The following CTNND2 variants were observed in gnomAD, a reference collection of about 807,000 sequenced individuals.
CTNND2 encodes catenin delta-2.
CTNND2 carries 22 observed loss-of-function variants against 144.4 expected under a neutral mutation model. The observed-to-expected ratio is 0.15, with a 90% CI of 0.11 to 0.22. The LOEUF (loss-of-function observed/expected upper bound fraction) is 0.22, where lower values mean the gene tolerates loss of function less well. Among genes scored for constraint, CTNND2 ranks in the 10% least tolerant of loss-of-function variants. The pLI is 1.00. For missense variants in CTNND2, 1,353 were observed against 1,618.8 expected, an observed-to-expected ratio of 0.84 and a Z score of 2.82; for synonymous variants, 751 against 695.6, an observed-to-expected ratio of 1.08 and a Z score of -1.25.
intron 10 of CTNND2, among the ~76,000 whole-genome samples, chr5:11,199,958 A>G (rs920896398): frequency 6.6e-6 from 1 of 152,250 alleles, no homozygotes; most frequent in Non-Finnish European, 1.5e-5. Context: ...AATATGCCAC[A>G]ACCTCATGGA....
At chr5:11,452,908 G>C (rs1765422628) in intron 3 of CTNND2, among the ~76,000 whole-genome samples, 1 of 152,216 alleles carries the variant, frequency 6.6e-6, no homozygotes, top group African/African-American at 2.4e-5. Context: ...GTAGGGTGAA[G>C]AAAAACTTTC....
intron 2 of CTNND2, among the ~76,000 whole-genome samples, chr5:11,689,305 T>C (rs1042741244): frequency 6.6e-6 from 1 of 152,214 alleles, no homozygotes; most frequent in East Asian, 1.9e-4. Context: ...TGTTACAGAA[T>C]AAATAATGTG....
At chr5:11,668,672 G>A (rs1459051557) in intron 2 of CTNND2, among the ~76,000 whole-genome samples, 3 of 152,140 alleles carry the variant, frequency 2.0e-5, no homozygotes, top group Non-Finnish European at 4.4e-5. Context: ...GGCTTGAGAT[G>A]ATGGGGTTTT....
At chr5:11,297,398 A>G (rs1487064360) in intron 9 of CTNND2, among the ~76,000 whole-genome samples, 1 of 152,248 alleles carries the variant, frequency 6.6e-6, no homozygotes, top group Non-Finnish European at 1.5e-5. Flanking sequence ...GTATTACCAC[A>G]GACAGAATAC....
At position 11,240,933 on chromosome 5, in the gene CTNND2, AAC is replaced by A. The variant is rs1187164495; in HGVS notation, c.1629-4112_1629-4111del. On this transcript the variant is annotated intron_variant, in intron 9 of 21. Coordinates refer to ENST00000304623, the MANE Select transcript of CTNND2 (RefSeq NM_001332.4). The stretch of plus-strand genomic sequence containing the variant: ...GCACACACATCCCCAACACACACCC[AAC>A]ACACACACTGAGCACACACACCCAA... Among the ~76,000 whole-genome samples the A allele has an allele frequency of 2.1e-5, 3 of 144,870 alleles. No homozygotes were observed. The East Asian group carries it at 6.3e-4, about 30-fold the overall frequency.
At chr5:11,854,047 C>A (rs1795139548) in intron 1 of CTNND2, among the ~76,000 whole-genome samples, 1 of 152,206 alleles carries the variant, frequency 6.6e-6, no homozygotes, top group African/African-American at 2.4e-5. Flanking sequence ...GAAAACCTGG[C>A]TGAGCATTCG....
At position 10,973,738 on chromosome 5, in the gene CTNND2, T is replaced by G; in HGVS notation, c.3418-25A>C. 1.3e-6 allele frequency: 2 copies of G among 1,557,280 alleles called. No individual in the cohort carries two copies. The highest frequency in any genetic ancestry group is 8.7e-7 in the Non-Finnish European group (1 of 1,152,784). ...CCTAAACGGGAAAGAAGAGCCACAC[T>G]GGGTTACTTGGTTTCCCTTGACTCA... On this transcript the variant is annotated intron_variant, in intron 21 of 21. Transcript: ENST00000304623. This position sits in a 1 kb window ranked among gnomAD's most constrained non-coding sequence, Gnocchi z 5.6.
At position 11,199,681 on chromosome 5, in the gene CTNND2, C is replaced by A; in HGVS notation, c.1762-20G>T. On this transcript the variant is annotated intron_variant, in intron 10 of 21. Coordinates refer to ENST00000304623, the MANE Select transcript of CTNND2 (RefSeq NM_001332.4). ...CCTTATCTGAAAGAGCAAAGGACAC[C>A]ACTTTTGCTTTACAGTGTAAGGTTT... The A allele has an allele frequency of 1.3e-6, 2 of 1,590,854 alleles. No individual in the cohort carries two copies. Among genetic ancestry groups the A allele is most frequent in the Non-Finnish European group, 1.7e-6 (2 of 1,160,120 alleles).
intron 3 of CTNND2, among the ~76,000 whole-genome samples, chr5:11,541,495 A>G (rs1774730209): frequency 6.6e-6 from 1 of 152,082 alleles, no homozygotes; most frequent in Non-Finnish European, 1.5e-5. Context: ...ATAGGAGGAG[A>G]GAACACATTT....
At chr5:11,077,405 T>G (rs1242685374) in intron 16 of CTNND2, among the ~76,000 whole-genome samples, 1 of 152,168 alleles carries the variant, frequency 6.6e-6, no homozygotes, top group Non-Finnish European at 1.5e-5. Flanking sequence ...AGGTGAGGAC[T>G]GAGCTGCATG....
intron 3 of CTNND2, among the ~76,000 whole-genome samples, chr5:11,494,320 C>A (rs770244098): frequency 1.3e-5 from 2 of 152,100 alleles, no homozygotes; most frequent in Non-Finnish European, 2.9e-5. Flanking sequence ...AAGAGAAGGA[C>A]AATTTTCATT....
chr5:11,560,793 C>T (rs1231650796), intron 3 of CTNND2, among the ~76,000 whole-genome samples: 2 of 152,198 alleles, frequency 1.3e-5, no homozygotes, highest in East Asian at 3.8e-4. Flanking sequence ...AGGAAGAAAG[C>T]ATCATAGGCT....
chr5:11,055,493 T>C (rs1203508425), intron 16 of CTNND2, among the ~76,000 whole-genome samples: 3 of 152,164 alleles, frequency 2.0e-5, no homozygotes, highest in Non-Finnish European at 4.4e-5. Flanking sequence ...CCTTCCCCTA[T>C]TAAGCTGGAA....
At chr5:11,248,478 T>C (rs912770609) in intron 9 of CTNND2, among the ~76,000 whole-genome samples, 4 of 152,138 alleles carry the variant, frequency 2.6e-5, no homozygotes, top group African/African-American at 9.7e-5. Context: ...ACACATATAA[T>C]GCATATATAC....
At chr5:11,699,390 G>A (rs1785310326) in intron 2 of CTNND2, among the ~76,000 whole-genome samples, 1 of 152,106 alleles carries the variant, frequency 6.6e-6, no homozygotes, top group Non-Finnish European at 1.5e-5. Context: ...AGGATACGAT[G>A]AGGATGACAA....
intron 16 of CTNND2, among the ~76,000 whole-genome samples, chr5:11,049,669 C>G (rs1171270059): frequency 6.6e-6 from 1 of 152,216 alleles, no homozygotes; most frequent in African/African-American, 2.4e-5. Flanking sequence ...TCTGAACTTT[C>G]TTTCTGGAAA....
chr5:11,628,988 C>T (rs996245314), intron 2 of CTNND2, among the ~76,000 whole-genome samples: 1 of 152,146 alleles, frequency 6.6e-6, no homozygotes, highest in African/African-American at 2.4e-5. Flanking sequence ...ATAAATTCCT[C>T]TCTACGGGAA....
At chr5:11,410,312 G>T (rs1237872876) in intron 5 of CTNND2, among the ~76,000 whole-genome samples, 1 of 152,140 alleles carries the variant, frequency 6.6e-6, no homozygotes, top group African/African-American at 2.4e-5. Context: ...TGTATACACA[G>T]CAATGTTATC....
chr5:11,379,912 C>A (rs78575730), intron 7 of CTNND2, among the ~76,000 whole-genome samples: 2,397 of 152,290 alleles, frequency 0.016, 32 homozygotes, highest in Admixed American at 0.034. Context: ...TCTCACCACC[C>A]CTACCACTCT....
Sources: allele counts gnomAD v4.1 joint callset (sites outside exome capture counted in the v4.1 genomes callset), GRCh38; gene constraint gnomAD v4.1.1; non-coding constraint Gnocchi (gnomAD v3.1); transcripts MANE v1.5; gene names NCBI Gene and HGNC (gene_info 2026-07-23, HGNC 2026-07-21).